Variants in DCLK2 observed in about 807,000 individuals in gnomAD.
The protein encoded by DCLK2 is doublecortin like kinase 2.
In DCLK2, 31 loss-of-function variants were observed where a neutral mutation model predicts 78.4. That is an observed-to-expected ratio of 0.40 (90% CI 0.30 to 0.53). The LOEUF (loss-of-function observed/expected upper bound fraction) is 0.53, where lower values mean the gene tolerates loss of function less well. Ranked by LOEUF, DCLK2 falls within the 20% of genes least tolerant of loss-of-function variation. The pLI, the probability that DCLK2 is intolerant of heterozygous loss-of-function variation, is 0.61. For missense variants in DCLK2, 872 were observed against 973.7 expected, an observed-to-expected ratio of 0.90 and a Z score of 1.39; for synonymous variants, 407 against 374.9, an observed-to-expected ratio of 1.09 and a Z score of -0.99.
At chr4:150,198,953 T>TG (rs1739267290) in intron 4 of DCLK2, 1 of 1,059,412 alleles carries the variant, frequency 9.4e-7, no homozygotes, top group Non-Finnish European at 1.3e-6. Context: ...TTTACCCTTT[T>TG]GAACGCACAT....
chr4:150,080,323 G>A (rs372224066), intron 1 of DCLK2, among the ~76,000 whole-genome samples: 6 of 152,146 alleles, frequency 3.9e-5, no homozygotes, highest in Admixed American at 2.0e-4. Flanking sequence ...ACCATGCCTC[G>A]GTCAAAGAGA....
intron 5 of DCLK2, among the ~76,000 whole-genome samples, chr4:150,210,574 G>A (rs1272581649): frequency 1.3e-5 from 2 of 152,076 alleles, no homozygotes; most frequent in Non-Finnish European, 2.9e-5. Flanking sequence ...GGGAGGCGGA[G>A]GTTGCATTGA....
chr4:150,194,071 A>G (rs1047450132), intron 3 of DCLK2, among the ~76,000 whole-genome samples: 1 of 140,912 alleles, frequency 7.1e-6, no homozygotes, highest in Non-Finnish European at 1.6e-5. Context: ...ACACACACAC[A>G]CGTATACTTA....
chr4:150,114,640 C>T (rs997632128), intron 2 of DCLK2, among the ~76,000 whole-genome samples: 2 of 152,132 alleles, frequency 1.3e-5, no homozygotes, highest in African/African-American at 2.4e-5. Flanking sequence ...ATTTTGCCTT[C>T]GTTTATGACA....
intron 2 of DCLK2, among the ~76,000 whole-genome samples, chr4:150,151,915 G>T (rs960271261): frequency 6.4e-5 from 9 of 139,666 alleles, no homozygotes; most frequent in Non-Finnish European, 1.4e-4. Flanking sequence ...ACAAAGTGAG[G>T]CTCTGTCTCA....
intron 2 of DCLK2, among the ~76,000 whole-genome samples, chr4:150,175,011 A>T (rs868443844): frequency 0.02 from 198 of 9,940 alleles, 37 homozygotes; most frequent in East Asian, 0.033. Flanking sequence ...AAAAAAAAAA[A>T]ATATATATAT....
intron 8 of DCLK2, among the ~76,000 whole-genome samples, chr4:150,230,100 G>C (rs887237887): frequency 2.0e-5 from 3 of 152,130 alleles, no homozygotes; most frequent in Non-Finnish European, 4.4e-5. Flanking sequence ...CAGCTCCCAT[G>C]TTTTAACAAA....
At chr4:150,140,251 A>T (rs764903743) in intron 2 of DCLK2, among the ~76,000 whole-genome samples, 1 of 152,208 alleles carries the variant, frequency 6.6e-6, no homozygotes, top group Admixed American at 6.5e-5. Context: ...TGTTATTATG[A>T]TACCTTATTC....
At chr4:150,148,160 T>A (rs1050255855) in intron 2 of DCLK2, among the ~76,000 whole-genome samples, 2 of 152,118 alleles carry the variant, frequency 1.3e-5, no homozygotes, top group African/African-American at 4.8e-5. Flanking sequence ...GCTCCGTAGT[T>A]CGAGACCAGC....
chr4:150,102,951 G>GTA (rs878971327), intron 2 of DCLK2, 139 bp downstream of exon 2: 2 of 720,180 alleles, frequency 2.8e-6, no homozygotes, highest in Non-Finnish European at 4.3e-6. Context: ...GTGTGTGTGT[G>GTA]TATGTGTGTG....
intron 1 of DCLK2, among the ~76,000 whole-genome samples, chr4:150,096,629 A>T (rs1730484781): frequency 6.6e-6 from 1 of 152,214 alleles, no homozygotes; most frequent in African/African-American, 2.4e-5. Flanking sequence ...TAGGGAAAAA[A>T]GGATTTGCAT....
At chr4:150,209,432 G>A (rs200508833) in intron 5 of DCLK2, among the ~76,000 whole-genome samples, 1 of 152,202 alleles carries the variant, frequency 6.6e-6, no homozygotes. Context: ...CCTTTGTTAC[G>A]AGGCTACAGA....
Position 150,199,184 on chromosome 4 carries a change from A to C in DCLK2, c.961+1081A>C, listed in dbSNP as rs1739285348. ...CCATTTCCATGAATGTATCTGGCTT[A>C]TTCCAGTGCACATCTGTGTGGTATG... is the stretch of plus-strand genomic sequence containing the variant. On this transcript the variant is annotated intron_variant, in intron 4 of 15. Coordinates refer to ENST00000296550, the MANE Select transcript of DCLK2 (RefSeq NM_001040260.4). 4.0e-6 allele frequency: 4 copies of C among 992,922 alleles called. No individual in the cohort carries two copies. In the South Asian group the frequency reaches 5.6e-5, roughly 14 times the overall value. 61.5% of individuals were successfully genotyped at this position (992,922 alleles called of 1,614,324 possible).
At chr4:150,102,237 G>A (rs532290678) in intron 1 of DCLK2, among the ~76,000 whole-genome samples, 1 of 152,218 alleles carries the variant, frequency 6.6e-6, no homozygotes, top group Non-Finnish European at 1.5e-5. Context: ...TGGCACATTT[G>A]GTCAACATAT....
intron 1 of DCLK2, among the ~76,000 whole-genome samples, chr4:150,100,703 A>G (rs765787203): frequency 3.3e-5 from 5 of 152,194 alleles, no homozygotes; most frequent in African/African-American, 1.2e-4. Context: ...CCATTAATGC[A>G]TATGTGTGGT....
At chr4:150,245,427 G>A (rs1165779997) in intron 12 of DCLK2, among the ~76,000 whole-genome samples, 1 of 151,542 alleles carries the variant, frequency 6.6e-6, no homozygotes, top group East Asian at 1.9e-4. Context: ...GTGCAGGTTT[G>A]TTACATATGT....
chr4:150,111,901 A>T (rs894239201), intron 2 of DCLK2, among the ~76,000 whole-genome samples: 3 of 152,172 alleles, frequency 2.0e-5, no homozygotes, highest in Non-Finnish European at 2.9e-5. Flanking sequence ...AGGTAATGTG[A>T]TGCCTCCAGA....
At chr4:150,194,720 A>G (rs1193910423) in intron 3 of DCLK2, among the ~76,000 whole-genome samples, 1 of 152,186 alleles carries the variant, frequency 6.6e-6, no homozygotes, top group African/African-American at 2.4e-5. Flanking sequence ...CTTTAATTTT[A>G]TGAATGAGGA....
At chr4:150,137,371 C>G (rs955670632) in intron 2 of DCLK2, among the ~76,000 whole-genome samples, 2 of 152,146 alleles carry the variant, frequency 1.3e-5, no homozygotes, top group Non-Finnish European at 2.9e-5. Context: ...GAAGCCCAGG[C>G]TCAAAACTGG....
Sources: allele counts gnomAD v4.1 joint callset (sites outside exome capture counted in the v4.1 genomes callset), GRCh38; gene constraint gnomAD v4.1.1; transcripts MANE v1.5; gene names NCBI Gene and HGNC (gene_info 2026-07-23, HGNC 2026-07-21).